SERINC5: variants seen among roughly 807,000 people sequenced by gnomAD.
The protein encoded by SERINC5 is chromosome 5 open reading frame 12.
SERINC5 carries 41 observed loss-of-function variants against 63.1 expected under a neutral mutation model. The ratio of observed to expected loss-of-function variants is 0.65; its 90% CI spans 0.51 to 0.84. The LOEUF (loss-of-function observed/expected upper bound fraction) is 0.84. Among genes scored for constraint, SERINC5 ranks in the 40% least tolerant of loss-of-function variants. SERINC5 has a pLI of 0.00. For synonymous variants in SERINC5, 222 were observed against 215.2 expected, an observed-to-expected ratio of 1.03 and a Z score of -0.28; for missense variants, 523 against 573.0, an observed-to-expected ratio of 0.91 and a Z score of 0.89.
chr5:80,204,780 A>G (rs1035075290), intron 1 of SERINC5, among the ~76,000 whole-genome samples: 3 of 152,148 alleles, frequency 2.0e-5, no homozygotes, highest in African/African-American at 7.2e-5. Context: ...GAAAAGGAAA[A>G]ATCAGTTAGG....
chr5:80,246,317 A>T (rs2112604312), intron 1 of SERINC5, among the ~76,000 whole-genome samples: 1 of 152,356 alleles, frequency 6.6e-6, no homozygotes, highest in South Asian at 2.1e-4. Flanking sequence ...TGGAAAAGGC[A>T]TTCCACAAAG....
chr5:80,201,429 C>A (rs540201155), intron 2 of SERINC5, among the ~76,000 whole-genome samples: 3 of 152,336 alleles, frequency 2.0e-5, no homozygotes, highest in Admixed American at 6.5e-5. Context: ...AAGAAGTCTG[C>A]CCTTCCCGGG....
At chr5:80,170,174 CTG>C (rs570628825) in intron 5 of SERINC5, among the ~76,000 whole-genome samples, 34 of 152,244 alleles carry the variant, frequency 2.2e-4, no homozygotes, top group African/African-American at 6.7e-4. Context: ...GACTGCTGTC[CTG>C]TCTTTGTTCT....
intron 1 of SERINC5, among the ~76,000 whole-genome samples, chr5:80,226,058 C>A (rs1174337533): frequency 2.7e-5 from 4 of 150,414 alleles, no homozygotes; most frequent in East Asian, 1.9e-4. Flanking sequence ...AAAAAAACCA[C>A]CCCCCTGCCT....
chr5:80,144,684 T>A (rs1745708023), intron 11 of SERINC5, among the ~76,000 whole-genome samples: 1 of 152,108 alleles, frequency 6.6e-6, no homozygotes, highest in Non-Finnish European at 1.5e-5. Context: ...CCACCACCCC[T>A]ACCCCAATTC....
At position 80,143,173 on chromosome 5, in the gene SERINC5, C is replaced by A; in HGVS notation, c.*490G>T. 2 of 986,374 alleles carry A rather than the reference C, an allele frequency of 2.0e-6. No individual in the cohort carries two copies. The highest frequency in any genetic ancestry group is 1.7e-5 in the African/African-American group (1 of 57,328). 61.1% of individuals were successfully genotyped at this position (986,374 alleles called of 1,614,324 possible). A position where few individuals can be genotyped will look rare whatever the true frequency, so the allele number is the denominator to read the frequency against. ...TCTTGGACCCTATAAATACCAGGGG[C>A]CCTGCAGGCTGAGTCCTGTCCTCAA... On this transcript the variant is annotated 3_prime_UTR_variant, in exon 12 of 12. Transcript: ENST00000507668.
At position 80,143,492 on chromosome 5, in the gene SERINC5, T is replaced by A. The variant is rs1745631446; in HGVS notation, c.*171A>T. The stretch of plus-strand genomic sequence containing the variant: ...TCCTTTGGGACAAACTGGTAGTTTC[T>A]TTTTGAATTTCAAAAGTAAAAAGCT... On this transcript the variant is annotated 3_prime_UTR_variant, in exon 12 of 12. Transcript: ENST00000507668. The A allele has an allele frequency of 7.4e-7, 1 of 1,358,414 alleles. No individual in the cohort carries two copies. The highest frequency in any genetic ancestry group is 2.7e-5 in the East Asian group (1 of 37,518). The allele number at this position is 1,358,414 out of a possible 1,614,324, so 84.1% of individuals were successfully genotyped here. A position where few individuals can be genotyped will look rare whatever the true frequency, so the allele number is the denominator to read the frequency against.
intron 2 of SERINC5, among the ~76,000 whole-genome samples, chr5:80,189,475 T>C (rs1353783768): frequency 6.6e-6 from 1 of 152,196 alleles, no homozygotes; most frequent in African/African-American, 2.4e-5. Context: ...GTCTGAACTT[T>C]CGTTTCGGCT....
intron 9 of SERINC5, among the ~76,000 whole-genome samples, chr5:80,150,595 C>T (rs1746113241): frequency 6.6e-6 from 1 of 152,146 alleles, no homozygotes. Flanking sequence ...GCAACCATGC[C>T]TGGCTAATTT....
In SERINC5 at chr5:80,141,799, A is replaced by T; in HGVS notation, c.*1864T>A. ...GCTGAGTACAGAGCTCCTGCCCTAA[A>T]AAAGGAAATTTAATGGAATTTACAA... On this transcript the variant is annotated 3_prime_UTR_variant, in exon 12 of 12. Coordinates refer to ENST00000507668, the MANE Select transcript of SERINC5 (RefSeq NM_001174072.3). 2.0e-6 allele frequency: 2 copies of T among 985,430 alleles called. No homozygotes were observed. Among genetic ancestry groups the T allele is most frequent in the Admixed American group, 1.2e-4 (2 of 16,286 alleles). The allele number at this position is 985,430 out of a possible 1,614,324, so 61.0% of individuals were successfully genotyped here.
chr5:80,210,179 C>T (rs187618170), intron 1 of SERINC5, among the ~76,000 whole-genome samples: 1 of 152,294 alleles, frequency 6.6e-6, no homozygotes, highest in Admixed American at 6.5e-5. Flanking sequence ...AAACATACTG[C>T]AAAGGAAAAT....
chr5:80,221,835 T>C (rs1750919111), intron 1 of SERINC5, among the ~76,000 whole-genome samples: 2 of 151,064 alleles, frequency 1.3e-5, no homozygotes, highest in African/African-American at 4.9e-5. Context: ...AAATAAATAC[T>C]ATAAAATGAG....
In SERINC5 at chr5:80,206,995, C is replaced by CTATA. The variant is rs148319224; in HGVS notation, c.28-3946_28-3943dup. Among the ~76,000 whole-genome samples, 1,397 of 148,410 alleles carry CTATA rather than the reference C, an allele frequency of 9.4e-3. 30 individuals are homozygous for CTATA. The highest frequency in any genetic ancestry group is 0.032 in the African/African-American group (1,311 of 40,574). ...CCCTGTGGTCTTAGATAACTTCTCA[C>CTATA]TATATATATATATATATTTTTTAGA... On this transcript the variant is annotated intron_variant, in intron 1 of 11. Transcript: ENST00000507668.
chr5:80,193,214 G>A (rs562578550), intron 2 of SERINC5, among the ~76,000 whole-genome samples: 17 of 152,348 alleles, frequency 1.1e-4, no homozygotes, highest in Admixed American at 2.0e-4. Context: ...TGCAGAGTAA[G>A]TATCAAGATT....
chr5:80,229,021 C>CTTTTT (rs1166636996), intron 1 of SERINC5, among the ~76,000 whole-genome samples: 1 of 86,056 alleles, frequency 1.2e-5, no homozygotes, highest in Non-Finnish European at 2.3e-5. Flanking sequence ...TTTTACATAC[C>CTTTTT]TTTTTTTTTT....
At chr5:80,129,968 T>C (rs539393136) in intron 11 of SERINC5, among the ~76,000 whole-genome samples, 3 of 152,264 alleles carry the variant, frequency 2.0e-5, no homozygotes, top group Non-Finnish European at 2.9e-5. Context: ...CAGTGCTTAG[T>C]TGAAAATTAA....
rs145550172 is a variant in SERINC5, at chr5:80,192,684, A to G, written c.195+10202T>C. 1.4e-4 allele frequency among the ~76,000 whole-genome samples: 22 copies of G among 152,336 alleles called. 1 individual carries two copies. The East Asian group carries it at 4.1e-3, about 28-fold the overall frequency. ...CATGTCGAAAGATAATTTTAGATCT[A>G]TTTGAAGACTGCAGAGACTGTCTCG... On this transcript the variant is annotated intron_variant, in intron 2 of 11. Transcript: ENST00000507668.
At chr5:80,113,153 G>C (rs912202153) in intron 12 of SERINC5, among the ~76,000 whole-genome samples, 3 of 151,936 alleles carry the variant, frequency 2.0e-5, no homozygotes, top group African/African-American at 4.8e-5. Flanking sequence ...CCTTAGAATA[G>C]GTTTCCAGGA....
chr5:80,201,365 G>A lies in SERINC5; in HGVS notation c.195+1521C>T, dbSNP rs991254946. ...TCCCTCTATCTCTAGGATAAGAGCT[G>A]CCCCAAGGGAACACGCCTGCTGCTC... On this transcript the variant is annotated intron_variant, in intron 2 of 11. Coordinates refer to ENST00000507668, the MANE Select transcript of SERINC5 (RefSeq NM_001174072.3). Among the ~76,000 whole-genome samples, 7 of 152,254 alleles carry A rather than the reference G, an allele frequency of 4.6e-5. No individual in the cohort carries two copies. The East Asian group carries it at 9.7e-4, about 21-fold the overall frequency.
Sources: allele counts gnomAD v4.1 joint callset (sites outside exome capture counted in the v4.1 genomes callset), GRCh38; gene constraint gnomAD v4.1.1; transcripts MANE v1.5; gene names NCBI Gene and HGNC (gene_info 2026-07-23, HGNC 2026-07-21).